XPO6: variants seen among roughly 807,000 people sequenced by gnomAD.
XPO6 encodes the protein exportin-6.
XPO6 carries 3 observed loss-of-function variants against 130.0 expected under a neutral mutation model. The ratio of observed to expected loss-of-function variants is 0.02; its 90% CI spans 0.01 to 0.06. XPO6 has a LOEUF of 0.06. Ranked by LOEUF, XPO6 falls within the 10% of genes least tolerant of loss-of-function variation. The pLI, the probability that XPO6 is intolerant of heterozygous loss-of-function variation, is 1.00. For missense variants in XPO6, 970 were observed against 1,393.0 expected (o/e 0.70, Z 4.83); for synonymous variants, 524 against 548.9 (o/e 0.95, Z 0.63).
At chr16:28,202,641 C>T (rs1414191835) in intron 1 of XPO6, among the ~76,000 whole-genome samples, 17 of 152,052 alleles carry the variant, frequency 1.1e-4, no homozygotes, top group Admixed American at 1.1e-3. Flanking sequence ...ATTAACAGAA[C>T]CAGGGCAAGA....
At chr16:28,100,380 C>A (rs1257072280) in intron 23 of XPO6, among the ~76,000 whole-genome samples, 1 of 152,166 alleles carries the variant, frequency 6.6e-6, no homozygotes, top group Non-Finnish European at 1.5e-5. Context: ...TAGGATCTGG[C>A]CTCTAGAAAA....
At chr16:28,172,025 TA>T (rs2043457597) in intron 4 of XPO6, among the ~76,000 whole-genome samples, 1 of 152,104 alleles carries the variant, frequency 6.6e-6, no homozygotes, top group Non-Finnish European at 1.5e-5. Flanking sequence ...CACCCTCCTA[TA>T]AATATGAAAT....
chr16:28,204,829 A>G lies in XPO6; in HGVS notation c.3+6537T>C, dbSNP rs868384994. ...TGACACTACTGACAGATCCAGTAAG[A>G]TAGGGACTGAGAGCTAACCACTGGA... On this transcript the variant is annotated intron_variant, in intron 1 of 23. Transcript: ENST00000304658. Among the ~76,000 whole-genome samples, 12 of 152,300 alleles carry G rather than the reference A, an allele frequency of 7.9e-5. No homozygotes were observed. In the Middle Eastern group the frequency reaches 0.01, roughly 130 times the overall value.
intron 13 of XPO6, 81 bp downstream of exon 13, chr16:28,125,608 G>A (rs1471455973): frequency 2.0e-6 from 3 of 1,515,764 alleles, no homozygotes; most frequent in African/African-American, 1.4e-5. Flanking sequence ...GAAGCTATTT[G>A]GCAATATGCT....
intron 15 of XPO6, 57 bp from the exon 16 acceptor site, chr16:28,113,107 ACT>A (rs890084279): frequency 4.5e-5 from 71 of 1,571,050 alleles, no homozygotes; most frequent in Admixed American, 8.8e-5. Flanking sequence ...TGGGATTCGA[ACT>A]TTGCTGAGGC....
intron 4 of XPO6, among the ~76,000 whole-genome samples, chr16:28,170,871 T>A (rs1294346475): frequency 6.6e-6 from 1 of 152,236 alleles, no homozygotes; most frequent in Non-Finnish European, 1.5e-5. Context: ...ACTACTTACA[T>A]CTTCCTAATC....
intron 11 of XPO6, 28 bp downstream of exon 11, chr16:28,133,813 C>T (rs767363535): frequency 1.9e-6 from 3 of 1,611,558 alleles, no homozygotes; most frequent in Non-Finnish European, 1.7e-6. Context: ...AATCGCTACA[C>T]TCTCCACTCC....
intron 12 of XPO6, among the ~76,000 whole-genome samples, chr16:28,128,366 G>A (rs961480036): frequency 6.6e-6 from 1 of 152,082 alleles, no homozygotes; most frequent in East Asian, 1.9e-4. Flanking sequence ...GGGGGTCACT[G>A]AGTCCGCTTC....
intron 1 of XPO6, among the ~76,000 whole-genome samples, chr16:28,190,852 G>A (rs1567646658): frequency 6.6e-6 from 1 of 152,122 alleles, no homozygotes; most frequent in Non-Finnish European, 1.5e-5. Flanking sequence ...GAATGTACAT[G>A]CATGTACATG....
At chr16:28,123,080 T>C (rs1189797962) in intron 13 of XPO6, among the ~76,000 whole-genome samples, 1 of 152,070 alleles carries the variant, frequency 6.6e-6, no homozygotes, top group Non-Finnish European at 1.5e-5. Context: ...AATGCCTCTT[T>C]CATTACAGAC....
chr16:28,125,509 A>G (rs945206947), intron 13 of XPO6, among the ~76,000 whole-genome samples, 180 bp downstream of exon 13: 3 of 152,230 alleles, frequency 2.0e-5, no homozygotes, highest in African/African-American at 4.8e-5. Context: ...CATATTGTAA[A>G]TGAGGGACCT....
At chr16:28,187,783 G>T (rs2043718876) in intron 1 of XPO6, among the ~76,000 whole-genome samples, 1 of 151,058 alleles carries the variant, frequency 6.6e-6, no homozygotes, top group Non-Finnish European at 1.5e-5. Context: ...AAAACTGTTG[G>T]TATCACTTTC....
intron 1 of XPO6, among the ~76,000 whole-genome samples, chr16:28,185,326 C>T (rs2043676779): frequency 6.6e-6 from 1 of 152,126 alleles, no homozygotes; most frequent in African/African-American, 2.4e-5. Flanking sequence ...CACCAATGCA[C>T]TCTAGCCTGG....
chr16:28,190,487 G>A (rs183933103), intron 1 of XPO6, among the ~76,000 whole-genome samples: 30 of 152,122 alleles, frequency 2.0e-4, no homozygotes, highest in Non-Finnish European at 4.1e-4. Flanking sequence ...GCCTCCCAAA[G>A]TGCTGGGATT....
At chr16:28,141,432 C>G (rs943630161) in intron 9 of XPO6, among the ~76,000 whole-genome samples, 5 of 152,214 alleles carry the variant, frequency 3.3e-5, no homozygotes, top group African/African-American at 1.2e-4. Context: ...TGAGCACCTA[C>G]TGTCAGCCAA....
At chr16:28,137,464 A>G (rs1470098052) in intron 9 of XPO6, among the ~76,000 whole-genome samples, 1 of 152,174 alleles carries the variant, frequency 6.6e-6, no homozygotes, top group Non-Finnish European at 1.5e-5. Context: ...ACACCACCCA[A>G]TCTAATACAG....
intron 23 of XPO6, among the ~76,000 whole-genome samples, chr16:28,099,687 T>C (rs1370429144): frequency 1.3e-5 from 2 of 152,214 alleles, no homozygotes; most frequent in African/African-American, 4.8e-5. Context: ...CCAAGACATG[T>C]CACATGCTTG....
intron 4 of XPO6, among the ~76,000 whole-genome samples, chr16:28,171,935 CT>C (rs2043456122): frequency 6.6e-6 from 1 of 152,156 alleles, no homozygotes; most frequent in South Asian, 2.1e-4. Context: ...TCTTTTGTCT[CT>C]ATTTTCCCCT....
chr16:28,154,282 C>T, intron 7 of XPO6: 1 of 910,194 alleles, frequency 1.1e-6, no homozygotes, highest in Non-Finnish European at 1.3e-6. Context: ...AAAAAAAAGC[C>T]ATGGGCTAAA....
Sources: allele counts gnomAD v4.1 joint callset (sites outside exome capture counted in the v4.1 genomes callset), GRCh38; gene constraint gnomAD v4.1.1; transcripts MANE v1.5; gene names NCBI Gene and HGNC (gene_info 2026-07-23, HGNC 2026-07-21).